Variants in FOCAD observed in about 807,000 individuals in gnomAD.
The protein encoded by FOCAD is focadhesin, also known as KIAA1797.
In FOCAD, 198 loss-of-function variants were observed where a neutral mutation model predicts 225.6. The observed-to-expected ratio is 0.88, with a 90% confidence interval of 0.78 to 0.99. FOCAD has a LOEUF of 0.99. Among genes scored for constraint, FOCAD ranks in the 50% least tolerant of loss-of-function variants. FOCAD has a pLI of 0.00. For synonymous variants in FOCAD, 897 were observed against 755.0 expected (o/e 1.19, Z -3.08); for missense variants, 2,713 against 2,123.6 (o/e 1.28, Z -5.46).
rs1348549981 is a variant in FOCAD, at chr9:20,714,673, TTCC to T, written c.-32-647_-32-645del. 2.0e-3 allele frequency among the ~76,000 whole-genome samples: 302 copies of T among 151,112 alleles called. 2 individuals are homozygous for T. Among genetic ancestry groups the T allele is most frequent in the African/African-American group, 6.8e-3 (280 of 41,166 alleles). On this transcript the variant is annotated intron_variant, in intron 1 of 43. Transcript: ENST00000338382. ...CTTCCTTCCTTCCTTCCTTCCTTCC[TTCC>T]TTCCTTCCTTCCTTCCTTCCTTCCT...
chr9:20,926,639 C>T (rs555335929), intron 26 of FOCAD, among the ~76,000 whole-genome samples: 8 of 152,020 alleles, frequency 5.3e-5, no homozygotes, highest in Admixed American at 2.0e-4. Flanking sequence ...CAAAATTAGC[C>T]GGGCGTGGTG....
intron 15 of FOCAD, among the ~76,000 whole-genome samples, chr9:20,840,915 G>A (rs1403503120): frequency 6.6e-6 from 1 of 151,754 alleles, no homozygotes; most frequent in Non-Finnish European, 1.5e-5. Flanking sequence ...AGTTTTTTTA[G>A]AGTTTTTATC....
intron 4 of FOCAD, among the ~76,000 whole-genome samples, chr9:20,721,727 A>G (rs570848295): frequency 6.6e-6 from 1 of 152,206 alleles, no homozygotes; most frequent in East Asian, 1.9e-4. Flanking sequence ...AATTTGTGGA[A>G]AGATTCCTGG....
intron 11 of FOCAD, among the ~76,000 whole-genome samples, chr9:20,799,265 A>C (rs1014194469): frequency 6.6e-6 from 1 of 152,188 alleles, no homozygotes; most frequent in African/African-American, 2.4e-5. Flanking sequence ...CTTTACTTCC[A>C]AGTATGTGGT....
chr9:20,714,634 G>GCCTGCCTTCCTT (rs1270720981), intron 1 of FOCAD, among the ~76,000 whole-genome samples: 36 of 120,112 alleles, frequency 3.0e-4, no homozygotes, highest in South Asian at 1.9e-3. Context: ...CTGCCTGCCT[G>GCCTGCCTTCCTT]CCTTCCTTCC....
At chr9:20,977,769 C>T (rs1840345274) in intron 36 of FOCAD, among the ~76,000 whole-genome samples, 1 of 152,208 alleles carries the variant, frequency 6.6e-6, no homozygotes, top group African/African-American at 2.4e-5. Context: ...GATATAATGT[C>T]ACCATACTGG....
At chr9:20,842,195 G>C (rs1243184217) in intron 15 of FOCAD, among the ~76,000 whole-genome samples, 1 of 151,156 alleles carries the variant, frequency 6.6e-6, no homozygotes, top group Non-Finnish European at 1.5e-5. Flanking sequence ...AATGATCTCT[G>C]TGCTTAGGAG....
At chr9:20,905,634 G>A (rs1372673691) in intron 21 of FOCAD, among the ~76,000 whole-genome samples, 2 of 151,974 alleles carry the variant, frequency 1.3e-5, no homozygotes, top group Non-Finnish European at 1.5e-5. Context: ...TATGAAAAGG[G>A]AACAGAACTG....
chr9:20,792,447 A>T (rs1365512177), intron 11 of FOCAD, among the ~76,000 whole-genome samples: 3 of 152,258 alleles, frequency 2.0e-5, no homozygotes, highest in African/African-American at 7.2e-5. Context: ...TTAGAGAACC[A>T]CAAGTTCCTT....
chr9:20,991,349 T>C (rs909160458), intron 42 of FOCAD, among the ~76,000 whole-genome samples: 2 of 152,206 alleles, frequency 1.3e-5, no homozygotes. Flanking sequence ...TTTTTTTTGC[T>C]TATTCTTGAA....
intron 42 of FOCAD, 60 bp from the exon 43 acceptor site, chr9:20,993,193 C>CT: frequency 7.2e-7 from 1 of 1,382,706 alleles, no homozygotes; most frequent in Non-Finnish European, 1.0e-6. Flanking sequence ...AAGGGAATAA[C>CT]TGTTCTTTTG....
chr9:20,957,478 CTTTTTT>C (rs58324778), intron 35 of FOCAD: 1 of 81,480 alleles, frequency 1.2e-5, no homozygotes, highest in Non-Finnish European at 2.2e-5. Context: ...CTTTTCTTTT[CTTTTTT>C]TTTTTTTTTT....
chr9:20,865,566 G>A (rs937381656), intron 16 of FOCAD, among the ~76,000 whole-genome samples: 1 of 152,044 alleles, frequency 6.6e-6, no homozygotes, highest in Admixed American at 6.6e-5. Flanking sequence ...ATGTGGAGGT[G>A]TACCATGTGC....
chr9:20,804,577 T>C (rs1001679222), intron 11 of FOCAD, among the ~76,000 whole-genome samples: 5 of 152,168 alleles, frequency 3.3e-5, no homozygotes, highest in African/African-American at 1.2e-4. Flanking sequence ...CTTAATACAG[T>C]CCTTCTAATC....
At chr9:20,663,589 T>A (rs1821803970) in intron 2 of FOCAD, among the ~76,000 whole-genome samples, 1 of 152,124 alleles carries the variant, frequency 6.6e-6, no homozygotes, top group Non-Finnish European at 1.5e-5. Flanking sequence ...TATTAAATGC[T>A]ATGCATCAAA....
At chr9:20,811,524 C>G (rs1823075774) in intron 11 of FOCAD, among the ~76,000 whole-genome samples, 1 of 151,958 alleles carries the variant, frequency 6.6e-6, no homozygotes, top group Admixed American at 6.6e-5. Context: ...TTTCCTTGAC[C>G]TTATTTGACT....
upstream of FOCAD, among the ~76,000 whole-genome samples, chr9:20,656,552 G>T (rs1821481863): frequency 6.6e-6 from 1 of 151,764 alleles, no homozygotes. Context: ...TGTCTCTTTT[G>T]ATCTTTGTTG....
chr9:20,910,256 T>C (rs1335437177), intron 22 of FOCAD, among the ~76,000 whole-genome samples: 1 of 152,082 alleles, frequency 6.6e-6, no homozygotes, highest in Non-Finnish European at 1.5e-5. Flanking sequence ...TTTATCTTGT[T>C]ACCCTTCTGG....
At chr9:20,727,664 G>A (rs1007157577) in intron 4 of FOCAD, among the ~76,000 whole-genome samples, 1 of 152,050 alleles carries the variant, frequency 6.6e-6, no homozygotes, top group Non-Finnish European at 1.5e-5. Flanking sequence ...AATGAATTTA[G>A]ACAATGATTT....
Sources: gnomAD v4.1 joint callset for allele counts (sites outside exome capture counted in the v4.1 genomes callset) on GRCh38, gnomAD v4.1.1 for gene constraint, MANE v1.5 for transcripts, NCBI Gene and HGNC (gene_info 2026-07-23, HGNC 2026-07-21) for gene names.